Variants in GPRIN2 observed in about 807,000 individuals in gnomAD.
GPRIN2 encodes G protein-regulated inducer of neurite outgrowth 2.
GPRIN2 carries 1 observed loss-of-function variant against 0.3 expected under a neutral mutation model. The ratio of observed to expected loss-of-function variants is 3.90; its 90% CI spans 1.39 to 18.51. The LOEUF (loss-of-function observed/expected upper bound fraction) is 18.51. Among genes scored for constraint, GPRIN2 ranks in the 30% most tolerant of loss-of-function variants. The pLI is 0.11. For synonymous variants in GPRIN2, 361 were observed against 258.6 expected (o/e 1.40, Z -3.80); for missense variants, 880 against 604.2 (o/e 1.46, Z -4.79).
intron 1 of GPRIN2, among the ~76,000 whole-genome samples, 100 bp downstream of exon 1, chr10:46,556,398 G>A (rs1307295396): frequency 2.0e-5 from 3 of 152,300 alleles, no homozygotes; most frequent in Non-Finnish European, 2.9e-5. Context: ...GGGTCTGAGC[G>A]CAGGCAGCGG....
rs1842107876 is a variant in GPRIN2 at position 46,545,848 on chromosome 10, A to C, written c.*3512T>G. Reference sequence around the variant, plus strand: ...AGCATGTGAAGGAGGCACCATTGTCATCCCCATCTTACAGATGAGGAAGAT... The same window carrying C: ...AGCATGTGAAGGAGGCACCATTGTCCTCCCCATCTTACAGATGAGGAAGAT... On this transcript the variant is annotated 3_prime_UTR_variant, in exon 3 of 3. Coordinates refer to ENST00000374314, the MANE Select transcript of GPRIN2 (RefSeq NM_001385282.1). Among the ~76,000 whole-genome samples, 1 of 152,310 alleles carries C rather than the reference A, an allele frequency of 6.6e-6. No homozygotes were observed. The highest frequency in any genetic ancestry group is 1.5e-5 in the Non-Finnish European group (1 of 68,056).
At chr10:46,551,491 G>A in intron 2 of GPRIN2, 1 of 985,528 alleles carries the variant, frequency 1.0e-6, no homozygotes, top group African/African-American at 1.7e-5. Flanking sequence ...TCTGGTCATT[G>A]ATTCCACAGC....
chr10:46,547,073 C>G lies in GPRIN2; in HGVS notation c.*2287G>C, dbSNP rs564234212. On this transcript the variant is annotated 3_prime_UTR_variant, in exon 3 of 3. Transcript: ENST00000374314. ...CACTGGTCCCAGCCAAACCCTGTGG[C>G]AGGTGGCCCTTTCTGCACCTGCTGA... is the stretch of plus-strand genomic sequence containing the variant. Among the ~76,000 whole-genome samples the G allele has an allele frequency of 6.6e-6, 1 of 152,310 alleles. No individual in the cohort carries two copies. Among genetic ancestry groups the G allele is most frequent in the African/African-American group, 2.4e-5 (1 of 41,488 alleles).
In GPRIN2 at chr10:46,556,516, C is replaced by G. The variant is rs1247234845; in HGVS notation, c.-136G>C. On this transcript the variant is annotated 5_prime_UTR_variant, in exon 1 of 3. Coordinates refer to ENST00000374314, the MANE Select transcript of GPRIN2 (RefSeq NM_001385282.1). ...CTCTCACCCTCTCGCCCGCCGGGGC[C>G]GCGCAGGCGGGGGAAGCGCTGCTCC... Among the ~76,000 whole-genome samples the G allele has an allele frequency of 6.6e-6, 1 of 152,268 alleles. No individual in the cohort carries two copies. Among genetic ancestry groups the G allele is most frequent in the African/African-American group, 2.4e-5 (1 of 41,474 alleles).
Position 46,545,276 on chromosome 10 carries a change from T to C in GPRIN2, c.*4084A>G, listed in dbSNP as rs1335820704. Among the ~76,000 whole-genome samples, 2 of 152,302 alleles carry C rather than the reference T, an allele frequency of 1.3e-5. No homozygotes were observed. Among genetic ancestry groups the C allele is most frequent in the Non-Finnish European group, 2.9e-5 (2 of 68,052 alleles). ...CTACGACTCCAGCAGAAACCTACCCTGGGGCTCCTAGAGCTTCCTAGCCTG... is the reference window on the plus strand; with the variant it reads ...CTACGACTCCAGCAGAAACCTACCCCGGGGCTCCTAGAGCTTCCTAGCCTG... On this transcript the variant is annotated 3_prime_UTR_variant, in exon 3 of 3. Transcript: ENST00000374314.
rs1841815501 is a variant in GPRIN2 at position 46,542,188 on chromosome 10, A to G, written c.*7172T>C. Reference sequence around the variant, plus strand: ...GGCAGAAGGCTGCAGGGCAGGGGCCAGGTGGGCAGCAACAGGGAACAAATC... The same window carrying G: ...GGCAGAAGGCTGCAGGGCAGGGGCCGGGTGGGCAGCAACAGGGAACAAATC... On this transcript the variant is annotated 3_prime_UTR_variant, in exon 3 of 3. Transcript: ENST00000374314. Among the ~76,000 whole-genome samples the G allele has an allele frequency of 6.6e-6, 1 of 152,310 alleles. No individual in the cohort carries two copies. Among genetic ancestry groups the G allele is most frequent in the African/African-American group, 2.4e-5 (1 of 41,488 alleles).
chr10:46,547,218 CGT>C lies in GPRIN2; in HGVS notation c.*2140_*2141del, dbSNP rs1418334485. ...TTGCACACATGTGTGCCTGTGTATG[CGT>C]GTGTGTGCACGTGTATGAACCCAGC... On this transcript the variant is annotated 3_prime_UTR_variant, in exon 3 of 3. Coordinates refer to ENST00000374314, the MANE Select transcript of GPRIN2 (RefSeq NM_001385282.1). Among the ~76,000 whole-genome samples, 2 of 152,306 alleles carry C rather than the reference CGT, an allele frequency of 1.3e-5. No individual in the cohort carries two copies. The highest frequency in any genetic ancestry group is 4.8e-5 in the African/African-American group (2 of 41,486).
upstream of GPRIN2, among the ~76,000 whole-genome samples, chr10:46,556,688 G>C (rs969196332): frequency 6.6e-6 from 1 of 152,170 alleles, no homozygotes; most frequent in Admixed American, 6.5e-5. Flanking sequence ...AGCTGGCACC[G>C]GGGCGGCGGG....
At position 46,543,126 on chromosome 10, in the gene GPRIN2, T is replaced by C. The variant is rs1317563257; in HGVS notation, c.*6234A>G. Among the ~76,000 whole-genome samples the C allele has an allele frequency of 6.6e-6, 1 of 152,304 alleles. No homozygotes were observed. The highest frequency in any genetic ancestry group is 1.9e-4 in the East Asian group (1 of 5,206). Reference sequence around the variant, plus strand: ...TCTGTAAGGAGATGCTCAGATGTTTTGGTTTGTGTCCAAAGAGGGGAAGGA... The same window carrying C: ...TCTGTAAGGAGATGCTCAGATGTTTCGGTTTGTGTCCAAAGAGGGGAAGGA... On this transcript the variant is annotated 3_prime_UTR_variant, in exon 3 of 3. Transcript: ENST00000374314.
intron 2 of GPRIN2, among the ~76,000 whole-genome samples, chr10:46,554,053 C>A (rs1180465114): frequency 6.6e-6 from 1 of 152,240 alleles, no homozygotes; most frequent in Admixed American, 6.5e-5. Flanking sequence ...CTTTGAGCCT[C>A]AGTTTCTTCA....
At chr10:46,555,100 G>A (rs1007558945) in intron 1 of GPRIN2, among the ~76,000 whole-genome samples, 2 of 152,298 alleles carry the variant, frequency 1.3e-5, no homozygotes, top group African/African-American at 2.4e-5. Context: ...CGTGCACCTC[G>A]GCGCCCAGCT....
Position 46,544,110 on chromosome 10 carries a change from C to G in GPRIN2, c.*5250G>C, listed in dbSNP as rs1477482774. On this transcript the variant is annotated 3_prime_UTR_variant, in exon 3 of 3. Transcript: ENST00000374314. ...AAAGACACCCATCAAAAAGAGTGAGCAAACCTAAAGAAGGGTTCAATAGGG... is the reference window on the plus strand; with the variant it reads ...AAAGACACCCATCAAAAAGAGTGAGGAAACCTAAAGAAGGGTTCAATAGGG... Among the ~76,000 whole-genome samples, 2 of 152,308 alleles carry G rather than the reference C, an allele frequency of 1.3e-5. No homozygotes were observed. Among genetic ancestry groups the G allele is most frequent in the Non-Finnish European group, 2.9e-5 (2 of 68,056 alleles).
chr10:46,550,657 C>G lies in GPRIN2; in HGVS notation c.80G>C (p.Ser27Thr), dbSNP rs782589295. The G allele has an allele frequency of 1.9e-6, 3 of 1,550,002 alleles. No homozygotes were observed. The highest frequency in any genetic ancestry group is 2.6e-6 in the Non-Finnish European group (3 of 1,150,800). Reference sequence around the variant, plus strand: ...CTGTTCCCGGCCTTCACCCAGCAGGCTGGAAGAGCTCTGGGACAGGGGCTG... The same window carrying G: ...CTGTTCCCGGCCTTCACCCAGCAGGGTGGAAGAGCTCTGGGACAGGGGCTG... ...RLQPLSQSSS[S>T]LLGEGREQRP... The change falls in exon 3 of 3, where the codon AGC (serine) becomes ACC (threonine). Residue 27 changes from serine to threonine, a missense_variant. By Grantham distance (58) the Ser-to-Thr change is moderately conservative. Coordinates refer to ENST00000374314, the MANE Select transcript of GPRIN2 (RefSeq NM_001385282.1).
chr10:46,549,170 A>T lies in GPRIN2; in HGVS notation c.*190T>A. On this transcript the variant is annotated 3_prime_UTR_variant, in exon 3 of 3. Coordinates refer to ENST00000374314, the MANE Select transcript of GPRIN2 (RefSeq NM_001385282.1). ...TGTGGCCCTTGGAAATCAAGCCCTT[A>T]AGAAAACAGCCCAGCTGTGTAGGGC... 2.8e-6 allele frequency: 2 copies of T among 711,626 alleles called. No individual in the cohort carries two copies. The highest frequency in any genetic ancestry group is 4.3e-6 in the Non-Finnish European group (2 of 468,464). The allele number at this position is 711,626 out of a possible 1,614,324, so 44.1% of individuals were successfully genotyped here. A position where few individuals can be genotyped will look rare whatever the true frequency, so the allele number is the denominator to read the frequency against.
chr10:46,548,531 C>T lies in GPRIN2; in HGVS notation c.*829G>A, dbSNP rs1842373941. On this transcript the variant is annotated 3_prime_UTR_variant, in exon 3 of 3. Coordinates refer to ENST00000374314, the MANE Select transcript of GPRIN2 (RefSeq NM_001385282.1). ...TCCCCTTCCTCAGGCCAGCCTCTGA[C>T]ACAATGACCCTGGAAGCCTGGCAGC... 6.6e-6 allele frequency among the ~76,000 whole-genome samples: 1 copy of T among 152,310 alleles called. No individual in the cohort carries two copies. The highest frequency in any genetic ancestry group is 2.4e-5 in the African/African-American group (1 of 41,488).
At chr10:46,553,110 C>G (rs1383409630) in intron 2 of GPRIN2, among the ~76,000 whole-genome samples, 1 of 152,312 alleles carries the variant, frequency 6.6e-6, no homozygotes, top group Non-Finnish European at 1.5e-5. Context: ...ATTCTACAGA[C>G]AGGAGAATTC....
At position 46,550,207 on chromosome 10, in the gene GPRIN2, G is replaced by C. The variant is rs1832448109; in HGVS notation, c.530C>G (p.Ala177Gly). The change falls in exon 3 of 3, where the codon GCT (alanine) becomes GGT (glycine). Residue 177 changes from alanine to glycine, a missense_variant. Physicochemically the swap from Ala to Gly is moderately conservative, Grantham distance 60. Transcript: ENST00000374314. ...TGAGTTAGAAGTCTCATCCTCAGGAGCCAGGTCCCTTTCCAGGCCTGCAGG... is the reference window on the plus strand; with the variant it reads ...TGAGTTAGAAGTCTCATCCTCAGGACCCAGGTCCCTTTCCAGGCCTGCAGG... ...QAPAGLERDLAPEDETSNSAW... is the reference protein window; with the variant it reads ...QAPAGLERDLGPEDETSNSAW... The C allele has an allele frequency of 6.2e-7, 1 of 1,601,644 alleles. No homozygotes were observed. Among genetic ancestry groups the C allele is most frequent in the Non-Finnish European group, 8.5e-7 (1 of 1,173,686 alleles).
chr10:46,550,857 C>T, intron 2 of GPRIN2, 115 bp from the exon 3 acceptor site: 1 of 1,208,148 alleles, frequency 8.3e-7, no homozygotes, highest in Non-Finnish European at 1.1e-6. Flanking sequence ...TCAGTCCCAG[C>T]CTGCCTGACT....
chr10:46,555,901 G>C (rs1317169593), intron 1 of GPRIN2, among the ~76,000 whole-genome samples: 1 of 152,308 alleles, frequency 6.6e-6, no homozygotes, highest in Non-Finnish European at 1.5e-5. Flanking sequence ...TGCACGCCAA[G>C]CACAGGCCGC....
Sources: gnomAD v4.1 joint callset for allele counts (sites outside exome capture counted in the v4.1 genomes callset) on GRCh38, gnomAD v4.1.1 for gene constraint, MANE v1.5 for transcripts, NCBI Gene and HGNC (gene_info 2026-07-23, HGNC 2026-07-21) for gene names.